HAVCR1: variants seen among roughly 807,000 people sequenced by gnomAD.
HAVCR1 encodes the protein T cell immunoglobin domain and mucin domain protein 1.
Under a neutral mutation model 32.0 loss-of-function variants are expected in HAVCR1, and 34 were observed. The observed-to-expected ratio is 1.06, with a 90% confidence interval of 0.81 to 1.42. The LOEUF is 1.42. Among genes scored for constraint, HAVCR1 ranks in the 40% most tolerant of loss-of-function variants. The probability of loss-of-function intolerance (pLI) is 0.00; values close to 1 mark genes in which losing one functional copy is unlikely to be tolerated. For synonymous variants in HAVCR1, 178 were observed against 170.3 expected, an observed-to-expected ratio of 1.05 and a Z score of -0.35; for missense variants, 420 against 442.3, an observed-to-expected ratio of 0.95 and a Z score of 0.45.
At position 157,042,620 on chromosome 5, in the gene HAVCR1, T is replaced by C. The variant is rs747051304; in HGVS notation, c.837+7A>G. The C allele has an allele frequency of 1.4e-5, 22 of 1,559,214 alleles. No individual in the cohort carries two copies. The East Asian group carries it at 4.3e-4, about 30-fold the overall frequency. On this transcript the variant is annotated splice_region_variant and intron_variant, in intron 6 of 8. Transcript: ENST00000523175. Reference sequence around the variant, plus strand: ...CTGGCTAATCAAATAGGGCGGAATATGCTTACAGTTTGATTGTTATTCCAA... The same window carrying C: ...CTGGCTAATCAAATAGGGCGGAATACGCTTACAGTTTGATTGTTATTCCAA...
At chr5:157,062,980 C>T (rs1015920657), upstream of HAVCR1, among the ~76,000 whole-genome samples, 1 of 151,620 alleles carries the variant, frequency 6.6e-6, no homozygotes, top group Admixed American at 6.6e-5. Context: ...ATTAGCCAGG[C>T]GTGGTGGCGC....
chr5:157,034,316 C>T (rs1266917719), intron 7 of HAVCR1, among the ~76,000 whole-genome samples: 2 of 151,746 alleles, frequency 1.3e-5, no homozygotes, highest in African/African-American at 2.4e-5. Flanking sequence ...TGCTGTGCCT[C>T]GATGTGCACG....
intron 2 of HAVCR1, among the ~76,000 whole-genome samples, chr5:157,056,658 G>A (rs2113641573): frequency 6.6e-6 from 1 of 152,182 alleles, no homozygotes; most frequent in East Asian, 1.9e-4. Flanking sequence ...GGGATTACAG[G>A]TGTGAGCCAC....
At chr5:157,044,420 G>GGAGAAAGAAAAGAAA (rs1755124534) in intron 5 of HAVCR1, among the ~76,000 whole-genome samples, 1 of 32,270 alleles carries the variant, frequency 3.1e-5, no homozygotes, top group African/African-American at 1.9e-4. Flanking sequence ...AAGGAAGGAA[G>GGAGAAAGAAAAGAAA]GAGAAAGAAA....
intron 5 of HAVCR1, among the ~76,000 whole-genome samples, chr5:157,043,092 C>T (rs1755011110): frequency 6.6e-6 from 1 of 152,076 alleles, no homozygotes; most frequent in African/African-American, 2.4e-5. Context: ...CATCCAAAAA[C>T]CAGAACCACC....
chr5:157,066,554 T>TG, the HAVCR1 span, among the ~76,000 whole-genome samples: 1 of 61,950 alleles, frequency 1.6e-5, no homozygotes, highest in African/African-American at 4.5e-5. Context: ...AAATCCTGGG[T>TG]GTTTTTTTTT....
chr5:157,042,538 G>C (rs1420784744), intron 6 of HAVCR1, 89 bp downstream of exon 6: 1 of 745,490 alleles, frequency 1.3e-6, no homozygotes, highest in South Asian at 1.9e-5. Context: ...CTGTGGGCTA[G>C]TCTTACAGAC....
intron 7 of HAVCR1, among the ~76,000 whole-genome samples, chr5:157,034,554 A>G (rs951772814): frequency 1.3e-5 from 2 of 151,120 alleles, no homozygotes; most frequent in East Asian, 2.0e-4. Context: ...ACTAATCCTC[A>G]GCACAGACCC....
the HAVCR1 span, among the ~76,000 whole-genome samples, chr5:157,064,938 A>C: frequency 3.3e-5 from 5 of 152,186 alleles, no homozygotes; most frequent in Admixed American, 3.3e-4. Context: ...CAGGGTTTTA[A>C]GTATGTTGAG....
chr5:157,065,917 G>T, the HAVCR1 span, among the ~76,000 whole-genome samples: 1 of 151,514 alleles, frequency 6.6e-6, no homozygotes, highest in Non-Finnish European at 1.5e-5. Flanking sequence ...TTAGCCGGGC[G>T]TGGTGGCGGG....
intron 8 of HAVCR1, 75 bp downstream of exon 8, chr5:157,032,779 G>T: frequency 1.1e-6 from 1 of 895,492 alleles, no homozygotes; most frequent in South Asian, 1.4e-5. Context: ...GAGTTTAGGA[G>T]AGAGACAGAA....
rs1304106185 is a variant in HAVCR1 at position 157,058,901 on chromosome 5, G to A, written c.-13+20C>T. ...CTTCAAGAGAATGCTTCAGGAAACA[G>A]AAGTCTGGAGCAGACTTACGTTCAG... On this transcript the variant is annotated intron_variant, in intron 1 of 8. Coordinates refer to ENST00000523175, the MANE Select transcript of HAVCR1 (RefSeq NM_001173393.3). 1 of 152,222 alleles carries A rather than the reference G, an allele frequency of 6.6e-6. No homozygotes were observed. The highest frequency in any genetic ancestry group is 1.5e-5 in the Non-Finnish European group (1 of 68,052). The allele number at this position is 152,222 out of a possible 1,614,324, so 9.4% of individuals were successfully genotyped here.
chr5:157,039,678 C>T (rs1023854148), intron 6 of HAVCR1, among the ~76,000 whole-genome samples: 4 of 152,210 alleles, frequency 2.6e-5, no homozygotes, highest in African/African-American at 7.2e-5. Flanking sequence ...GCAATACGTG[C>T]ACATGCTTAA....
chr5:157,037,287 G>A lies in HAVCR1; in HGVS notation c.912C>T (p.Val304=), dbSNP rs1477877308. The A allele has an allele frequency of 7.5e-6, 12 of 1,605,688 alleles. No homozygotes were observed. In the Admixed American group the frequency reaches 1.3e-4, roughly 18 times the overall value. The stretch of plus-strand genomic sequence containing the variant: ...CACCCAAAAGAGCAAGAAGCACCAA[G>A]ACAGAAATACAGACTCCAGCATAGA... ...KGIYAGVCIS[V]LVLLALLGVI... The change falls in exon 7 of 9, where the codon GTC becomes GTT. Residue 304 remains valine (V), a synonymous_variant. Coordinates refer to ENST00000523175, the MANE Select transcript of HAVCR1 (RefSeq NM_001173393.3).
intron 5 of HAVCR1, among the ~76,000 whole-genome samples, chr5:157,044,468 AAAGGAAGGAAGGAAGGAAGGAAGGAAGG>A (rs201451883): frequency 0.012 from 777 of 62,930 alleles, 42 homozygotes; most frequent in Admixed American, 0.016. Flanking sequence ...AGAAAGAAAG[AAAGGAAGGAAGGAAGGAAGGAAGGAAGG>A]AAGGAAGGAA....
chr5:157,067,718 C>G, the HAVCR1 span, among the ~76,000 whole-genome samples: 13 of 152,068 alleles, frequency 8.5e-5, no homozygotes, highest in Middle Eastern at 0.014. Context: ...GACAAAGTTT[C>G]ACTTTTGTTG....
chr5:157,064,260 C>A, the HAVCR1 span, among the ~76,000 whole-genome samples: 1 of 150,988 alleles, frequency 6.6e-6, no homozygotes, highest in Non-Finnish European at 1.5e-5. Flanking sequence ...CAGCTGTAAT[C>A]CCTGGACTTT....
the HAVCR1 span, among the ~76,000 whole-genome samples, chr5:157,068,400 A>G: frequency 6.6e-6 from 1 of 152,252 alleles, no homozygotes; most frequent in South Asian, 2.1e-4. Context: ...CCTGGGCAAC[A>G]TAGCGAAACC....
chr5:157,052,448 T>TGCTCGTTGTCGTGGGAAC lies in HAVCR1; in HGVS notation c.585_586insGTTCCCACGACAACGAGC (p.Val190_Ser195dup), dbSNP rs1561599157. On this transcript the variant is annotated inframe_insertion, in exon 4 of 9. Coordinates refer to ENST00000523175, the MANE Select transcript of HAVCR1 (RefSeq NM_001173393.3). ...ACTGGAACACTTGTTGTTGTTGGAA[T>TGCTCGTTGTCGTGGGAAC]GCTCGTTGTCGTTGGAACGCTCGTT... is the stretch of plus-strand genomic sequence containing the variant. 1 of 1,612,752 alleles carries TGCTCGTTGTCGTGGGAAC rather than the reference T, an allele frequency of 6.2e-7. No homozygotes were observed. Among genetic ancestry groups the TGCTCGTTGTCGTGGGAAC allele is most frequent in the East Asian group, 2.2e-5 (1 of 44,840 alleles).
Sources: gnomAD v4.1 joint callset for allele counts (sites outside exome capture counted in the v4.1 genomes callset) on GRCh38, gnomAD v4.1.1 for gene constraint, MANE v1.5 for transcripts, NCBI Gene and HGNC (gene_info 2026-07-23, HGNC 2026-07-21) for gene names.